Variants in CSMD1 observed in about 807,000 individuals in gnomAD.
CSMD1 encodes the protein CUB and Sushi multiple domains 1, also known as CUB and sushi domain-containing protein 1.
CSMD1 carries 213 observed loss-of-function variants against 417.5 expected under a neutral mutation model. The observed-to-expected ratio is 0.51, with a 90% CI of 0.46 to 0.57. CSMD1 has a LOEUF of 0.57. Among genes scored for constraint, CSMD1 ranks in the 20% least tolerant of loss-of-function variants. The pLI, the probability that CSMD1 is intolerant of heterozygous loss-of-function variation, is 0.00. For missense variants in CSMD1, 6,923 were observed against 4,529.7 expected, an observed-to-expected ratio of 1.53 and a Z score of -15.17; for synonymous variants, 2,862 against 1,736.8, an observed-to-expected ratio of 1.65 and a Z score of -16.11.
intron 3 of CSMD1, among the ~76,000 whole-genome samples, chr8:4,358,335 G>C (rs903752926): frequency 2.0e-5 from 3 of 152,162 alleles, no homozygotes; most frequent in African/African-American, 7.2e-5. Context: ...GTTTTGTAAG[G>C]CCCATGAGCT....
intron 1 of CSMD1, among the ~76,000 whole-genome samples, chr8:4,736,812 C>T (rs1222678478): frequency 6.6e-6 from 1 of 152,132 alleles, no homozygotes; most frequent in East Asian, 1.9e-4. Context: ...CCTTCACTTC[C>T]CCACTGTGCT....
chr8:3,243,048 A>C (rs1200974362), intron 26 of CSMD1, among the ~76,000 whole-genome samples: 2 of 152,114 alleles, frequency 1.3e-5, no homozygotes, highest in African/African-American at 4.8e-5. Flanking sequence ...CTTTGTCTCT[A>C]CCAGAAAATG....
Position 3,439,309 on chromosome 8 carries a change from A to ATATATATATTTTTTT in CSMD1, c.1561+29402_1561+29403insAAAAAAATATATATA. Reference sequence around the variant, plus strand: ...TATATATATATATATATATATATATATTTTTTTTTTTAATATGTATTTTTA... The same window carrying ATATATATATTTTTTT: ...TATATATATATATATATATATATATATATATATATTTTTTTTTTTTTTTTTTAATATGTATTTTTA... On this transcript the variant is annotated intron_variant, in intron 12 of 69. Coordinates refer to ENST00000635120, the MANE Select transcript of CSMD1 (RefSeq NM_033225.6). Among the ~76,000 whole-genome samples, 106 of 62,404 alleles carry ATATATATATTTTTTT rather than the reference A, an allele frequency of 1.7e-3. 2 individuals are homozygous for ATATATATATTTTTTT. The highest frequency in any genetic ancestry group is 2.4e-3 in the Non-Finnish European group (82 of 34,770). 40.9% of individuals were successfully genotyped at this position (62,404 alleles called of 152,430 possible).
intron 6 of CSMD1, among the ~76,000 whole-genome samples, chr8:3,727,332 C>A (rs1802553419): frequency 6.6e-6 from 1 of 152,208 alleles, no homozygotes; most frequent in Admixed American, 6.5e-5. Context: ...AACGGTGGCA[C>A]TGCAGTTCCC....
intron 3 of CSMD1, among the ~76,000 whole-genome samples, chr8:4,048,997 G>C (rs1357230394): frequency 6.6e-6 from 1 of 152,042 alleles, no homozygotes; most frequent in East Asian, 1.9e-4. Flanking sequence ...TTGATACAAA[G>C]AGGTGATGTT....
intron 5 of CSMD1, among the ~76,000 whole-genome samples, chr8:3,873,353 C>T (rs182805377): frequency 1.3e-5 from 2 of 151,840 alleles, no homozygotes; most frequent in Non-Finnish European, 2.9e-5. Flanking sequence ...TATGTATATA[C>T]CATATAATAC....
intron 3 of CSMD1, among the ~76,000 whole-genome samples, chr8:4,047,105 G>T (rs1002217032): frequency 6.6e-6 from 1 of 152,186 alleles, no homozygotes. Context: ...CATTGAAGCT[G>T]TGGCTTCAAT....
chr8:4,459,474 G>T (rs1318800153), intron 2 of CSMD1, among the ~76,000 whole-genome samples: 1 of 152,188 alleles, frequency 6.6e-6, no homozygotes, highest in Non-Finnish European at 1.5e-5. Context: ...TAGAGGGCAG[G>T]AAATTCAAAT....
intron 11 of CSMD1, among the ~76,000 whole-genome samples, chr8:3,479,570 G>A (rs531696191): frequency 6.6e-5 from 10 of 152,250 alleles, no homozygotes; most frequent in East Asian, 1.9e-4. Flanking sequence ...GTGAGCCACC[G>A]CGCCCAGCCT....
In CSMD1 at chr8:4,472,395, T is replaced by C. The variant is rs566463026; in HGVS notation, c.303-52330A>G. The stretch of plus-strand genomic sequence containing the variant: ...GATCTGTAGTAACAGTGCTTCACTG[T>C]AGTCTCTTAATACTTTTATTTTAAA... On this transcript the variant is annotated intron_variant, in intron 2 of 69. Coordinates refer to ENST00000635120, the MANE Select transcript of CSMD1 (RefSeq NM_033225.6). Among the ~76,000 whole-genome samples the C allele has an allele frequency of 3.2e-4, 49 of 152,212 alleles. 1 individual carries two copies. In the South Asian group the frequency reaches 9.7e-3, roughly 30 times the overall value.
intron 3 of CSMD1, among the ~76,000 whole-genome samples, chr8:4,125,982 T>C (rs1468322017): frequency 6.6e-6 from 1 of 152,114 alleles, no homozygotes; most frequent in East Asian, 1.9e-4. Context: ...AGATCTAAGA[T>C]CGGTGGTTGT....
intron 4 of CSMD1, among the ~76,000 whole-genome samples, chr8:4,025,536 T>C (rs985583960): frequency 2.0e-5 from 3 of 152,220 alleles, no homozygotes; most frequent in African/African-American, 4.8e-5. Context: ...CTGCTTCTTC[T>C]CTTTTTTCAT....
At chr8:4,788,204 A>G (rs1480651891) in intron 1 of CSMD1, 9 of 1,592,386 alleles carry the variant, frequency 5.7e-6, no homozygotes, top group Non-Finnish European at 7.7e-6. Context: ...GTGAACTTTG[A>G]GTAACATCTG....
intron 38 of CSMD1, 117 bp from the exon 39 acceptor site, chr8:3,158,083 ATTCAAAAAT>A: frequency 1.2e-6 from 1 of 852,950 alleles, no homozygotes; most frequent in Non-Finnish European, 1.8e-6. Context: ...ATATTTGAAA[ATTCAAAAAT>A]TGTGAAATCT....
chr8:3,371,957 C>G (rs1031249933), intron 18 of CSMD1, among the ~76,000 whole-genome samples: 1 of 152,134 alleles, frequency 6.6e-6, no homozygotes, highest in Non-Finnish European at 1.5e-5. Context: ...GCAAGCTCTG[C>G]CCCCAGCATC....
At chr8:4,780,120 T>C (rs961135766) in intron 1 of CSMD1, among the ~76,000 whole-genome samples, 1 of 152,198 alleles carries the variant, frequency 6.6e-6, no homozygotes, top group Non-Finnish European at 1.5e-5. Flanking sequence ...TAGCAACATT[T>C]ACTACAGTCA....
chr8:4,461,965 T>C (rs117097225), intron 2 of CSMD1, among the ~76,000 whole-genome samples: 4,572 of 152,078 alleles, frequency 0.03, 99 homozygotes, highest in South Asian at 0.05. Context: ...ATGGGCTCTA[T>C]CTCCCGACCT....
chr8:4,625,894 T>G (rs564182973), intron 2 of CSMD1, among the ~76,000 whole-genome samples: 14 of 152,158 alleles, frequency 9.2e-5, no homozygotes, highest in African/African-American at 3.4e-4. Context: ...TGGCTAATTG[T>G]TGTATTTTTG....
In CSMD1 at chr8:4,664,738, C is replaced by G. The variant is rs866977833; in HGVS notation, c.86-27180G>C. Among the ~76,000 whole-genome samples the G allele has an allele frequency of 1.4e-4, 21 of 151,688 alleles. No homozygotes were observed. The East Asian group carries it at 4.1e-3, about 30-fold the overall frequency. ...TTTATTTTATATAAAAGTGTAGATG[C>G]TAATCTTATAGAGACAATCAAATTA... On this transcript the variant is annotated intron_variant, in intron 1 of 69. Coordinates refer to ENST00000635120, the MANE Select transcript of CSMD1 (RefSeq NM_033225.6).
Sources: allele counts gnomAD v4.1 joint callset (sites outside exome capture counted in the v4.1 genomes callset), GRCh38; gene constraint gnomAD v4.1.1; transcripts MANE v1.5; gene names NCBI Gene and HGNC (gene_info 2026-07-23, HGNC 2026-07-21).